The following GALNT15 variants were observed in gnomAD, a reference collection of about 807,000 sequenced individuals.
GALNT15 encodes UDP-GalNAc transferase T15.
Under a neutral mutation model 66.8 loss-of-function variants are expected in GALNT15, and 67 were observed. That is an observed-to-expected ratio of 1.00 (90% CI 0.82 to 1.23). The LOEUF is 1.23. Among genes scored for constraint, GALNT15 ranks in the 50% most tolerant of loss-of-function variants. The pLI, the probability that GALNT15 is intolerant of heterozygous loss-of-function variation, is 0.00. For synonymous variants in GALNT15, 313 were observed against 311.5 expected, an observed-to-expected ratio of 1.00 and a Z score of -0.05; for missense variants, 827 against 804.3, an observed-to-expected ratio of 1.03 and a Z score of -0.34.
chr3:16,212,602 C>T lies in GALNT15; in HGVS notation c.1231C>T (p.Pro411Ser), dbSNP rs1304177511. Residue 411 changes from proline (P) to serine (S), a missense_variant, in exon 6 of 10, where the codon CCC becomes TCC. By Grantham distance (74) the Pro-to-Ser change is moderately conservative. Transcript: ENST00000339732. ...CTGTGGTGGCTCTGTTGAAATCCTT[C>T]CCTGCTCTCGGGTAGGACACATCTA... ...WLCGGSVEIL[P>S]CSRVGHIYQN... 6.2e-7 allele frequency: 1 copy of T among 1,614,010 alleles called. No homozygotes were observed. The highest frequency in any genetic ancestry group is 1.1e-5 in the South Asian group (1 of 91,050).
chr3:16,214,539 T>A (rs1441312114), intron 6 of GALNT15, among the ~76,000 whole-genome samples: 1 of 152,310 alleles, frequency 6.6e-6, no homozygotes, highest in East Asian at 1.9e-4. Context: ...ATCGTTATTG[T>A]CATGGCTACT....
At chr3:16,245,613 G>A in the GALNT15 span, among the ~76,000 whole-genome samples, 1 of 152,220 alleles carries the variant, frequency 6.6e-6, no homozygotes. Flanking sequence ...AATTGAACCG[G>A]TTTGGTCCTG....
the GALNT15 span, among the ~76,000 whole-genome samples, chr3:16,244,749 C>A: frequency 6.6e-6 from 1 of 152,220 alleles, no homozygotes; most frequent in East Asian, 1.9e-4. Flanking sequence ...GGAGTCCTGG[C>A]AGAGGCTAAT....
chr3:16,238,690 C>T, the GALNT15 span, among the ~76,000 whole-genome samples: 2 of 152,098 alleles, frequency 1.3e-5, no homozygotes, highest in African/African-American at 4.8e-5. This position sits in a 1 kb window ranked among gnomAD's most constrained non-coding sequence, Gnocchi z 4.8. Context: ...TCATTTGGTT[C>T]CAAGGCCTTC....
At position 16,219,978 on chromosome 3, in the gene GALNT15, G is replaced by A. The variant is rs1559692711; in HGVS notation, c.1593G>A (p.Met531Ile). The change falls in exon 8 of 10, where the codon ATG becomes ATA. Residue 531 changes from methionine to isoleucine, a missense_variant. Transcript: ENST00000339732. The surrounding 1 kb of genome is among the most constrained non-coding windows in gnomAD (Gnocchi z 4.3). ...AAGGGGACATCCTGGGCTGTCCCATGGTGTTGGCTCCTTGCAGTGACAGCC... is the reference window on the plus strand; with the variant it reads ...AAGGGGACATCCTGGGCTGTCCCATAGTGTTGGCTCCTTGCAGTGACAGCC... ...QAEGDILGCP[M>I]VLAPCSDSRQ... The A allele has an allele frequency of 3.7e-6, 6 of 1,614,078 alleles. No homozygotes were observed. The highest frequency in any genetic ancestry group is 1.7e-5 in the Admixed American group (1 of 60,010).
At chr3:16,220,344 C>G (rs2063929996) in intron 8 of GALNT15, 1 of 334,938 alleles carries the variant, frequency 3.0e-6, no homozygotes. Context: ...TCAGAAGCCT[C>G]CAGGATTCAG....
the GALNT15 span, chr3:16,243,877 CTTG>C: frequency 5.7e-6 from 2 of 349,900 alleles, no homozygotes; most frequent in Admixed American, 6.4e-5. Context: ...TCAGTGTGGT[CTTG>C]TTGTCTCACT....
intron 9 of GALNT15, among the ~76,000 whole-genome samples, chr3:16,226,617 G>A (rs551665151): frequency 6.6e-6 from 1 of 152,190 alleles, no homozygotes; most frequent in South Asian, 2.1e-4. Context: ...CAGCAAGGGG[G>A]AAGTCTGCCC....
the GALNT15 span, among the ~76,000 whole-genome samples, chr3:16,242,964 G>C: frequency 1.2e-4 from 18 of 152,086 alleles, no homozygotes; most frequent in Non-Finnish European, 2.2e-4. The surrounding 1 kb of genome is among the most constrained non-coding windows in gnomAD (Gnocchi z 5.6). Context: ...AGATAGGCAG[G>C]GAAGAAAAGT....
In GALNT15 at chr3:16,219,155, GGC is replaced by G. The variant is rs1409134372; in HGVS notation, c.1393-247_1393-246del. Among the ~76,000 whole-genome samples, 1 of 152,066 alleles carries G rather than the reference GGC, an allele frequency of 6.6e-6. No homozygotes were observed. The highest frequency in any genetic ancestry group is 2.4e-5 in the African/African-American group (1 of 41,400). ...GGAGATTTGAGGGATTGTGGGAAGGGGCTGATATCACTTACAGTCTTGCTGGT... is the reference window on the plus strand; with the variant it reads ...GGAGATTTGAGGGATTGTGGGAAGGGTGATATCACTTACAGTCTTGCTGGT... On this transcript the variant is annotated intron_variant, in intron 6 of 9. Transcript: ENST00000339732. The surrounding 1 kb of genome is among the most constrained non-coding windows in gnomAD (Gnocchi z 4.3).
intron 2 of GALNT15, among the ~76,000 whole-genome samples, chr3:16,197,226 C>T (rs1210358632): frequency 6.6e-6 from 1 of 152,166 alleles, no homozygotes. Context: ...AGCTGGGCCC[C>T]AGAGAAATGG....
At chr3:16,212,114 T>G (rs1182096370) in intron 5 of GALNT15, among the ~76,000 whole-genome samples, 2 of 152,226 alleles carry the variant, frequency 1.3e-5, no homozygotes, top group Non-Finnish European at 2.9e-5. Context: ...AAAGACTGTG[T>G]CTCAGGAAAG....
chr3:16,212,869 T>C, intron 6 of GALNT15, 106 bp downstream of exon 6: 1 of 1,024,708 alleles, frequency 9.8e-7, no homozygotes. Context: ...AACAGAAGAT[T>C]CTGGCTTGAG....
Position 16,200,704 on chromosome 3 carries a change from C to G in GALNT15, c.792C>G (p.Ile264Met). ...GGAGCAACAAGAGGCTGGGTGCCAT[C>G]AGGGCCCGGATGCTGGGGGCCACCA... ...LLRSNKRLGA[I>M]RARMLGATRA... Residue 264 changes from isoleucine (I) to methionine (M), a missense_variant, in exon 3 of 10, where the codon ATC becomes ATG. By Grantham distance (10) the Ile-to-Met change is conservative. Transcript: ENST00000339732. The surrounding 1 kb of genome is among the most constrained non-coding windows in gnomAD (Gnocchi z 4.4). 6.2e-7 allele frequency: 1 copy of G among 1,610,744 alleles called. No individual in the cohort carries two copies. The highest frequency in any genetic ancestry group is 1.3e-5 in the African/African-American group (1 of 74,862).
intron 4 of GALNT15, among the ~76,000 whole-genome samples, chr3:16,208,960 G>A (rs190000696): frequency 5.3e-5 from 8 of 152,266 alleles, no homozygotes; most frequent in Admixed American, 1.3e-4. Context: ...ATAAAGTTCC[G>A]ACAGGGTCTT....
At position 16,211,242 on chromosome 3, in the gene GALNT15, G is replaced by A; in HGVS notation, c.1197+1G>A. On this transcript the variant is annotated splice_donor_variant, in intron 5 of 9. Transcript: ENST00000339732. LOFTEE classifies it high-confidence loss of function. The surrounding 1 kb of genome is among the most constrained non-coding windows in gnomAD (Gnocchi z 4.3). The stretch of plus-strand genomic sequence containing the variant: ...TGAAAACCTCGAACTGTCTTTCAAG[G>A]TATGTCCTGGACCAAGGGAGGACAG... The A allele has an allele frequency of 6.3e-7, 1 of 1,591,862 alleles. No individual in the cohort carries two copies. The highest frequency in any genetic ancestry group is 8.6e-7 in the Non-Finnish European group (1 of 1,159,618).
At position 16,180,691 on chromosome 3, in the gene GALNT15, T is replaced by C. The variant is rs1430814706; in HGVS notation, c.539+5001T>C. Among the ~76,000 whole-genome samples, 2 of 152,174 alleles carry C rather than the reference T, an allele frequency of 1.3e-5. No homozygotes were observed. Among genetic ancestry groups the C allele is most frequent in the Non-Finnish European group, 2.9e-5 (2 of 68,038 alleles). On this transcript the variant is annotated intron_variant, in intron 1 of 9. Coordinates refer to ENST00000339732, the MANE Select transcript of GALNT15 (RefSeq NM_054110.5). The surrounding 1 kb of genome is among the most constrained non-coding windows in gnomAD (Gnocchi z 5.0). The stretch of plus-strand genomic sequence containing the variant: ...GAAGTTTCCACGTAGGAAGCAATAC[T>C]AGAGTCAGAAAATAGAAAAGAGAGC...
intron 6 of GALNT15, among the ~76,000 whole-genome samples, chr3:16,215,855 A>T (rs2063865585): frequency 6.8e-6 from 1 of 146,508 alleles, no homozygotes; most frequent in South Asian, 2.3e-4. Flanking sequence ...GGTTGTAGTG[A>T]GCTGAGATCA....
In GALNT15 at chr3:16,228,023, A is replaced by G. The variant is rs2124909910; in HGVS notation, c.*523A>G. 1.0e-6 allele frequency: 1 copy of G among 987,468 alleles called. No individual in the cohort carries two copies. Among genetic ancestry groups the G allele is most frequent in the South Asian group, 4.7e-5 (1 of 21,386 alleles). 61.2% of individuals were successfully genotyped at this position (987,468 alleles called of 1,614,324 possible). On this transcript the variant is annotated 3_prime_UTR_variant, in exon 10 of 10. Transcript: ENST00000339732. ...CATTTGTTGAGCCATATCTCAGAAGAAGGAAAGGGAGCTACAGAAAGGAGG... is the reference window on the plus strand; with the variant it reads ...CATTTGTTGAGCCATATCTCAGAAGGAGGAAAGGGAGCTACAGAAAGGAGG...
Sources: allele counts gnomAD v4.1 joint callset (sites outside exome capture counted in the v4.1 genomes callset), GRCh38; gene constraint gnomAD v4.1.1; non-coding constraint Gnocchi (gnomAD v3.1); transcripts MANE v1.5; gene names NCBI Gene and HGNC (gene_info 2026-07-23, HGNC 2026-07-21).